BTBD19: variants seen among roughly 807,000 people sequenced by gnomAD.
The protein encoded by BTBD19 is BTB/POZ domain-containing protein 19.
In BTBD19, 20 loss-of-function variants were observed where a neutral mutation model predicts 36.1. That is an observed-to-expected ratio of 0.55 (90% CI 0.39 to 0.80). The LOEUF (loss-of-function observed/expected upper bound fraction) is 0.80, where lower values mean the gene tolerates loss of function less well. Among genes scored for constraint, BTBD19 ranks in the 30% least tolerant of loss-of-function variants. The probability of loss-of-function intolerance (pLI) is 0.00; values close to 1 mark genes in which losing one functional copy is unlikely to be tolerated. For missense variants in BTBD19, 325 were observed against 389.8 expected (o/e 0.83, Z 1.40); for synonymous variants, 157 against 174.3 (o/e 0.90, Z 0.78).
Position 44,813,844 on chromosome 1 carries a change from T to A in BTBD19, c.*72T>A, listed in dbSNP as rs373795892. 65 of 1,536,322 alleles carry A rather than the reference T, an allele frequency of 4.2e-5. No homozygotes were observed. The East Asian group carries it at 1.5e-3, about 34-fold the overall frequency. On this transcript the variant is annotated 3_prime_UTR_variant, in exon 8 of 8. Coordinates refer to ENST00000450269, the Ensembl canonical transcript of BTBD19. This position sits in a 1 kb window ranked among gnomAD's most constrained non-coding sequence, Gnocchi z 7.8. ...CTGCCCCAAACTACAGCTCCCGAAG[T>A]GCTCGGCGTTCGGAGCGGGCTTCCG...
rs1047874489 is a variant in BTBD19 at position 44,810,698 on chromosome 1, G to T, written c.354+91G>T. The T allele has an allele frequency of 3.1e-5, 39 of 1,276,544 alleles. No individual in the cohort carries two copies. In the African/African-American group the frequency reaches 5.5e-4, roughly 18 times the overall value. 79.1% of individuals were successfully genotyped at this position (1,276,544 alleles called of 1,614,324 possible). Reference sequence around the variant, plus strand: ...CCTCACACACACTCTGGCCTGGAGAGGAACGTGTGCCCACACAGAGAGAAG... The same window carrying T: ...CCTCACACACACTCTGGCCTGGAGATGAACGTGTGCCCACACAGAGAGAAG... On this transcript the variant is annotated intron_variant, in intron 3 of 7. Coordinates refer to ENST00000450269, the Ensembl canonical transcript of BTBD19. This position sits in a 1 kb window ranked among gnomAD's most constrained non-coding sequence, Gnocchi z 4.2.
In BTBD19 at chr1:44,810,870, T is replaced by C. The variant is rs1652379616; in HGVS notation, c.354+263T>C. ...CAAAGATATCAGCCTTGATCCGTGT[T>C]CTCCAGAGAGGGAGAGGAGACAGAC... On this transcript the variant is annotated intron_variant, in intron 3 of 7. Coordinates refer to ENST00000450269, the Ensembl canonical transcript of BTBD19. The surrounding 1 kb of genome is among the most constrained non-coding windows in gnomAD (Gnocchi z 4.2). The C allele has an allele frequency of 3.1e-6, 1 of 323,268 alleles. No homozygotes were observed. The highest frequency in any genetic ancestry group is 6.1e-6 in the Non-Finnish European group (1 of 163,950). 20.0% of individuals were successfully genotyped at this position (323,268 alleles called of 1,614,324 possible).
rs1401155287 is a variant in BTBD19 at position 44,813,631 on chromosome 1, T to C, written c.742-7T>C. 8.4e-6 allele frequency: 13 copies of C among 1,548,248 alleles called. No homozygotes were observed. Among genetic ancestry groups the C allele is most frequent in the Non-Finnish European group, 1.7e-6 (2 of 1,144,398 alleles). On this transcript the variant is annotated splice_region_variant and splice_polypyrimidine_tract_variant and intron_variant, in intron 7 of 7. Coordinates refer to ENST00000450269, the Ensembl canonical transcript of BTBD19. This position sits in a 1 kb window ranked among gnomAD's most constrained non-coding sequence, Gnocchi z 7.8. Reference sequence around the variant, plus strand: ...GGGACTGCGCACTAACTGGCCTTGCTCTGCAGGTGGAGCAGATTGTGGAGG... The same window carrying C: ...GGGACTGCGCACTAACTGGCCTTGCCCTGCAGGTGGAGCAGATTGTGGAGG...
At chr1:44,809,052 A>G in intron 1 of BTBD19, 146 bp downstream of exon 1, 1 of 631,734 alleles carries the variant, frequency 1.6e-6, no homozygotes, top group South Asian at 2.6e-5. Context: ...TCAAATGTGG[A>G]ACATGGCTAC....
At chr1:44,811,651 T>C (rs1652421546) in intron 3 of BTBD19, 1 of 253,254 alleles carries the variant, frequency 3.9e-6, no homozygotes, top group Non-Finnish European at 8.2e-6. Flanking sequence ...GTCAGGAGGC[T>C]AGTGCAGCAG....
chr1:44,810,212 G>A lies in BTBD19; in HGVS notation c.87-1G>A. On this transcript the variant is annotated splice_acceptor_variant, in intron 1 of 7. Coordinates refer to ENST00000450269, the Ensembl canonical transcript of BTBD19. LOFTEE classifies it high-confidence loss of function. The surrounding 1 kb of genome is among the most constrained non-coding windows in gnomAD (Gnocchi z 4.2). ...GCTGCCTCTCTGCCTGTCTCCCACAGTGATGTTTGCTTCGTGGTTGGTCAA... is the reference window on the plus strand; with the variant it reads ...GCTGCCTCTCTGCCTGTCTCCCACAATGATGTTTGCTTCGTGGTTGGTCAA... 1 of 1,551,214 alleles carries A rather than the reference G, an allele frequency of 6.4e-7. No individual in the cohort carries two copies. The highest frequency in any genetic ancestry group is 8.7e-7 in the Non-Finnish European group (1 of 1,146,406).
exon 1 of BTBD19, chr1:44,808,879 G>T: frequency 6.5e-7 from 1 of 1,550,282 alleles, no homozygotes; most frequent in Admixed American, 2.0e-5. Context: ...GCAGCACTCC[G>T]AAGCCTTGTC....
At position 44,813,142 on chromosome 1, in the gene BTBD19, C is replaced by A; in HGVS notation, c.488C>A (p.Ala163Asp). The A allele has an allele frequency of 6.5e-7, 1 of 1,546,688 alleles. No homozygotes were observed. Among genetic ancestry groups the A allele is most frequent in the Non-Finnish European group, 8.7e-7 (1 of 1,143,638 alleles). Reference sequence around the variant, plus strand: ...GACCCATTTGCCGGCTCGCAGGAGGCCCTCCGGACCCGAGGCTTCCTGGAG... The same window carrying A: ...GACCCATTTGCCGGCTCGCAGGAGGACCTCCGGACCCGAGGCTTCCTGGAG... Residue 163 changes from alanine to aspartate, a missense_variant, in exon 6 of 8, where the codon GCC becomes GAC. Ala to Asp is a moderately radical substitution (Grantham distance 126, BLOSUM62 -2). Coordinates refer to ENST00000450269, the Ensembl canonical transcript of BTBD19. This position sits in a 1 kb window ranked among gnomAD's most constrained non-coding sequence, Gnocchi z 7.8.
At chr1:44,812,480 C>T (rs774806764) in intron 4 of BTBD19, 11 of 453,920 alleles carry the variant, frequency 2.4e-5, no homozygotes, top group South Asian at 9.3e-5. Flanking sequence ...CCGAGGCGGG[C>T]GGATCAAGAG....
In BTBD19 at chr1:44,813,385, G is replaced by T; in HGVS notation, c.627G>T (p.Glu209Asp). 2 of 1,547,464 alleles carry T rather than the reference G, an allele frequency of 1.3e-6. No individual in the cohort carries two copies. The change falls in exon 7 of 8, where the codon GAG (glutamate) becomes GAT (aspartate). Residue 209 changes from glutamate to aspartate, a missense_variant. By Grantham distance (45) the Glu-to-Asp change is conservative. Coordinates refer to ENST00000450269, the Ensembl canonical transcript of BTBD19. The surrounding 1 kb of genome is among the most constrained non-coding windows in gnomAD (Gnocchi z 7.8). ...GCTGGCGTTTGCAGGCGGTGCTGGA[G>T]CGGCCGGTGGCTGAGGTGGCGGCCC... is the stretch of plus-strand genomic sequence containing the variant.
chr1:44,814,784 C>T (rs1397263967), downstream of BTBD19: 1 of 151,762 alleles, frequency 6.6e-6, no homozygotes, highest in Non-Finnish European at 1.5e-5. Flanking sequence ...GAACTCCTGA[C>T]TTCATGTGAT....
In BTBD19 at chr1:44,810,661, C is replaced by T; in HGVS notation, c.354+54C>T. On this transcript the variant is annotated intron_variant, in intron 3 of 7. Coordinates refer to ENST00000450269, the Ensembl canonical transcript of BTBD19. This position sits in a 1 kb window ranked among gnomAD's most constrained non-coding sequence, Gnocchi z 4.2. Reference sequence around the variant, plus strand: ...ATTTCCCTTGCTTCTCACGGGCTCACTTCCCGCCCTGCCTCACACACACTC... The same window carrying T: ...ATTTCCCTTGCTTCTCACGGGCTCATTTCCCGCCCTGCCTCACACACACTC... 1 of 1,468,074 alleles carries T rather than the reference C, an allele frequency of 6.8e-7. No homozygotes were observed. The highest frequency in any genetic ancestry group is 9.1e-7 in the Non-Finnish European group (1 of 1,095,744). 90.9% of individuals were successfully genotyped at this position (1,468,074 alleles called of 1,614,324 possible). A position where few individuals can be genotyped will look rare whatever the true frequency, so the allele number is the denominator to read the frequency against.
rs557240076 is a variant in BTBD19, at chr1:44,813,099, C to T, written c.483+35C>T. The T allele has an allele frequency of 4.7e-5, 72 of 1,545,334 alleles. 3 individuals carry two copies. In the South Asian group the frequency reaches 8.1e-4, roughly 17 times the overall value. On this transcript the variant is annotated intron_variant, in intron 5 of 7. Coordinates refer to ENST00000450269, the Ensembl canonical transcript of BTBD19. This position sits in a 1 kb window ranked among gnomAD's most constrained non-coding sequence, Gnocchi z 7.8. ...CCTTCATACTCCTCACCCTACGCAC[C>T]GCATTCTGCTCCTCCCTGACCCATT...
At chr1:44,808,637 AGCCTCTG>A in exon 1 of BTBD19, 1 of 455,088 alleles carries the variant, frequency 2.2e-6, no homozygotes, top group East Asian at 3.5e-5. Flanking sequence ...CCTGTCCCCG[AGCCTCTG>A]GCCTCTGATG....
intron 3 of BTBD19, among the ~76,000 whole-genome samples, chr1:44,811,293 C>T (rs1380017373): frequency 6.6e-6 from 1 of 151,778 alleles, no homozygotes; most frequent in African/African-American, 2.4e-5. Context: ...GGGGACTCTC[C>T]AGTCCCGCCA....
rs1284728782 is a variant in BTBD19 at position 44,813,565 on chromosome 1, G to A, written c.741+66G>A. On this transcript the variant is annotated intron_variant, in intron 7 of 7. Transcript: ENST00000450269. The surrounding 1 kb of genome is among the most constrained non-coding windows in gnomAD (Gnocchi z 7.8). ...GGTACAGGGCGCTGGGAGGGGGCAG[G>A]AGCAGCCCGGCCCACGGTCCTCGGG... The A allele has an allele frequency of 3.3e-6, 5 of 1,535,060 alleles. No homozygotes were observed. In the East Asian group the frequency reaches 1.2e-4, roughly 38 times the overall value.
rs1652515259 is a variant in BTBD19, at chr1:44,813,231, C to CT, written c.578dup (p.Val194GlyfsTer21). ...CAAGCTCTGCGTGGACGAGGCTGAA[C>CT]TGGTCCGCGCGGCCCGAAGCTGGGC... On this transcript the variant is annotated frameshift_variant, in exon 6 of 8. Transcript: ENST00000450269. LOFTEE classifies it high-confidence loss of function. This position sits in a 1 kb window ranked among gnomAD's most constrained non-coding sequence, Gnocchi z 7.8. 1 of 1,540,642 alleles carries CT rather than the reference C, an allele frequency of 6.5e-7. No homozygotes were observed. The highest frequency in any genetic ancestry group is 1.4e-5 in the African/African-American group (1 of 72,906).
At chr1:44,809,369 G>A (rs1652294953) in intron 1 of BTBD19, among the ~76,000 whole-genome samples, 2 of 152,202 alleles carry the variant, frequency 1.3e-5, no homozygotes, top group South Asian at 2.1e-4. Flanking sequence ...AGGAAGCCTC[G>A]GGGGTGCTGG....
At chr1:44,814,142 TTCTTTC>T (rs1245642768), downstream of BTBD19, 88 of 221,604 alleles carry the variant, frequency 4.0e-4, no homozygotes, top group Admixed American at 1.8e-3. Flanking sequence ...TCTTTTCTTT[TTCTTTC>T]TCTTTCTTTC....
Sources: allele counts gnomAD v4.1 joint callset (sites outside exome capture counted in the v4.1 genomes callset), GRCh38; gene constraint gnomAD v4.1.1; non-coding constraint Gnocchi (gnomAD v3.1); transcripts MANE v1.5; gene names NCBI Gene and HGNC (gene_info 2026-07-23, HGNC 2026-07-21).